The following NAALADL2 variants were observed in gnomAD, a reference collection of about 807,000 sequenced individuals.
The protein encoded by NAALADL2 is N-acetylated alpha-linked acidic dipeptidase like 2, also known as inactive N-acetylated-alpha-linked acidic dipeptidase-like protein 2.
In NAALADL2, 76 loss-of-function variants were observed where a neutral mutation model predicts 87.2. That is an observed-to-expected ratio of 0.87 (90% CI 0.72 to 1.05). The LOEUF is 1.05. Ranked by LOEUF, NAALADL2 falls within the 50% of genes least tolerant of loss-of-function variation. The probability of loss-of-function intolerance (pLI) is 0.00; values close to 1 mark genes in which losing one functional copy is unlikely to be tolerated. For missense variants in NAALADL2, 1,089 were observed against 945.8 expected (o/e 1.15, Z -1.99); for synonymous variants, 354 against 331.0 (o/e 1.07, Z -0.75).
At chr3:175,493,311 G>A (rs1025091188) in intron 9 of NAALADL2, among the ~76,000 whole-genome samples, 3 of 151,916 alleles carry the variant, frequency 2.0e-5, no homozygotes, top group Non-Finnish European at 4.4e-5. Flanking sequence ...TAGCAACCTC[G>A]CGTTTGTATA....
In NAALADL2 at chr3:174,682,629, C is replaced by T. The variant is rs78829468; in HGVS notation, c.-114-55012C>T. 1.9e-3 allele frequency among the ~76,000 whole-genome samples: 286 copies of T among 152,334 alleles called. 3 individuals are homozygous for T. The highest frequency in any genetic ancestry group is 6.5e-3 in the African/African-American group (270 of 41,576). ...GGTAATCCAGGGAATTCTTCTGCAA[C>T]TTATCCAAGACCACCAAGGTGGTAC... On this transcript the variant is annotated intron_variant, in intron 2 of 3. Coordinates refer to the NAALADL2 transcript ENST00000434257.
intron 3 of NAALADL2, among the ~76,000 whole-genome samples, chr3:174,772,966 C>A (rs1465227215): frequency 6.6e-6 from 1 of 152,076 alleles, no homozygotes; most frequent in Non-Finnish European, 1.5e-5. Flanking sequence ...TGAATGGCAG[C>A]TAATATATGA....
intron 1 of NAALADL2, among the ~76,000 whole-genome samples, chr3:174,441,366 T>G (rs901263903): frequency 3.3e-5 from 5 of 152,100 alleles, no homozygotes; most frequent in Admixed American, 6.5e-5. Flanking sequence ...CCGCTTGTCT[T>G]AGGAGAGGAG....
intron 5 of NAALADL2, among the ~76,000 whole-genome samples, chr3:175,356,576 A>AAATAACAATAATAATAAT (rs1553872602): frequency 7.6e-6 from 1 of 131,750 alleles, no homozygotes; most frequent in Non-Finnish European, 1.6e-5. Flanking sequence ...CCCTGTGTCA[A>AAATAACAATAATAATAAT]AATAATAATA....
At chr3:175,631,862 C>CATTT (rs1436020618) in intron 11 of NAALADL2, among the ~76,000 whole-genome samples, 2 of 151,978 alleles carry the variant, frequency 1.3e-5, no homozygotes, top group Admixed American at 1.3e-4. Flanking sequence ...AAAGTTTCAA[C>CATTT]ATTTATCTCC....
chr3:175,287,124 A>G (rs561628824), intron 4 of NAALADL2, among the ~76,000 whole-genome samples: 2 of 151,936 alleles, frequency 1.3e-5, no homozygotes, highest in Non-Finnish European at 1.5e-5. Context: ...CAACAACATT[A>G]TTATCTCGTT....
intron 5 of NAALADL2, among the ~76,000 whole-genome samples, chr3:175,330,964 A>G (rs1250125310): frequency 6.8e-6 from 1 of 146,916 alleles, no homozygotes; most frequent in Non-Finnish European, 1.5e-5. Flanking sequence ...ATGAAAAAAG[A>G]CATTACAACT....
intron 11 of NAALADL2, among the ~76,000 whole-genome samples, chr3:175,699,333 A>T (rs1243491517): frequency 1.3e-5 from 2 of 152,006 alleles, no homozygotes; most frequent in Non-Finnish European, 2.9e-5. Context: ...TATTATCCAT[A>T]TAGATGACAG....
At chr3:175,324,958 A>C (rs1760505756) in intron 5 of NAALADL2, among the ~76,000 whole-genome samples, 1 of 152,182 alleles carries the variant, frequency 6.6e-6, no homozygotes, top group Non-Finnish European at 1.5e-5. Flanking sequence ...ATTTTGGCAG[A>C]TGCTCACCGC....
At chr3:174,849,734 C>CAAAAAAA (rs57620256) in intron 3 of NAALADL2, among the ~76,000 whole-genome samples, 2 of 62,832 alleles carry the variant, frequency 3.2e-5, no homozygotes, top group Non-Finnish European at 3.0e-5. Context: ...GACTCTGACT[C>CAAAAAAA]AAAAAAAAAA....
At chr3:174,525,326 G>A (rs951800035) in intron 1 of NAALADL2, among the ~76,000 whole-genome samples, 1 of 152,194 alleles carries the variant, frequency 6.6e-6, no homozygotes, top group African/African-American at 2.4e-5. Context: ...TCACCATTCT[G>A]CAGGCTGTAC....
intron 1 of NAALADL2, among the ~76,000 whole-genome samples, chr3:174,535,597 C>T (rs1721648972): frequency 6.6e-6 from 1 of 152,080 alleles, no homozygotes; most frequent in African/African-American, 2.4e-5. Flanking sequence ...TTATTTTATC[C>T]TCATGACACT....
intron 13 of NAALADL2, among the ~76,000 whole-genome samples, chr3:175,765,406 T>C (rs960415698): frequency 9.9e-5 from 15 of 152,146 alleles, no homozygotes; most frequent in African/African-American, 3.1e-4. Flanking sequence ...TCAAGCCTCA[T>C]TTTTTTCACT....
At chr3:174,441,955 G>A (rs1714682810) in intron 1 of NAALADL2, among the ~76,000 whole-genome samples, 1 of 152,026 alleles carries the variant, frequency 6.6e-6, no homozygotes, top group Admixed American at 6.6e-5. Flanking sequence ...TATCCCTGCG[G>A]AACAGAAAAG....
intron 1 of NAALADL2, among the ~76,000 whole-genome samples, chr3:174,993,518 C>T (rs1175000431): frequency 2.6e-5 from 4 of 152,012 alleles, no homozygotes; most frequent in Non-Finnish European, 5.9e-5. Context: ...AGGTGAGAAA[C>T]TAAGACAGGG....
intron 9 of NAALADL2, among the ~76,000 whole-genome samples, chr3:175,477,524 C>T (rs1209324068): frequency 6.6e-6 from 1 of 152,068 alleles, no homozygotes; most frequent in Non-Finnish European, 1.5e-5. Flanking sequence ...AATTAAAGTC[C>T]TAACCAGAAA....
intron 12 of NAALADL2, among the ~76,000 whole-genome samples, chr3:175,748,567 C>T (rs1746223743): frequency 6.6e-6 from 1 of 152,060 alleles, no homozygotes; most frequent in South Asian, 2.1e-4. Context: ...TAAGCTCATC[C>T]ATAGGATAAT....
At chr3:174,749,106 C>A (rs1734569326) in intron 3 of NAALADL2, among the ~76,000 whole-genome samples, 4 of 147,812 alleles carry the variant, frequency 2.7e-5, no homozygotes, top group Admixed American at 6.7e-5. Flanking sequence ...GCTTTCACAT[C>A]CCCTGTTCTA....
chr3:174,510,856 G>A (rs926341486), intron 1 of NAALADL2, among the ~76,000 whole-genome samples: 2 of 151,442 alleles, frequency 1.3e-5, no homozygotes, highest in Admixed American at 6.6e-5. Context: ...TTACTTCTAA[G>A]CACTGACTTA....
Sources: gnomAD v4.1 joint callset for allele counts (sites outside exome capture counted in the v4.1 genomes callset) on GRCh38, gnomAD v4.1.1 for gene constraint, MANE v1.5 for transcripts, NCBI Gene and HGNC (gene_info 2026-07-23, HGNC 2026-07-21) for gene names.